MYO16: variants seen among roughly 807,000 people sequenced by gnomAD.
MYO16 encodes the protein myosin XVI.
A neutral mutation model predicts 205.3 loss-of-function variants in MYO16; 94 were observed. That is an observed-to-expected ratio of 0.46 (90% CI 0.39 to 0.54). The LOEUF is 0.54. Among genes scored for constraint, MYO16 ranks in the 20% least tolerant of loss-of-function variants. MYO16 has a pLI of 0.00. For synonymous variants in MYO16, 988 were observed against 954.0 expected (o/e 1.04, Z -0.66); for missense variants, 2,315 against 2,387.5 (o/e 0.97, Z 0.63).
chr13:109,091,173 G>A (rs1430794499), intron 27 of MYO16, among the ~76,000 whole-genome samples: 2 of 152,192 alleles, frequency 1.3e-5, no homozygotes, highest in Non-Finnish European at 2.9e-5. Context: ...CGTTTTTGGT[G>A]TGCATGGCAG....
intron 16 of MYO16, among the ~76,000 whole-genome samples, chr13:108,939,528 G>T (rs990137193): frequency 6.6e-6 from 1 of 152,174 alleles, no homozygotes; most frequent in Admixed American, 6.5e-5. Context: ...TTTTAATTGG[G>T]TTGATCCTTC....
intron 2 of MYO16, among the ~76,000 whole-genome samples, chr13:108,681,434 T>C (rs1263885648): frequency 6.6e-6 from 1 of 152,178 alleles, no homozygotes; most frequent in Non-Finnish European, 1.5e-5. Flanking sequence ...CTCTCATTCA[T>C]TCATTTGTTT....
chr13:109,086,802 G>A (rs1888447017), intron 27 of MYO16, among the ~76,000 whole-genome samples: 1 of 152,032 alleles, frequency 6.6e-6, no homozygotes, highest in South Asian at 2.1e-4. Context: ...TTACTCAAAG[G>A]CAACAGATCT....
Position 109,013,429 on chromosome 13 carries a change from T to A in MYO16, c.2595+4380T>A, listed in dbSNP as rs139437016. On this transcript the variant is annotated intron_variant, in intron 22 of 34. Coordinates refer to ENST00000457511, the MANE Select transcript of MYO16 (RefSeq NM_001198950.3). ...TGAATAGTGCCACAATAAACATACG[T>A]GTGCATGTGTCTTTATACTAGCATG... Among the ~76,000 whole-genome samples the A allele has an allele frequency of 1.1e-3, 168 of 152,282 alleles. 1 individual carries two copies. Among genetic ancestry groups the A allele is most frequent in the African/African-American group, 3.9e-3 (163 of 41,552 alleles).
At chr13:109,013,141 A>G (rs576650072) in intron 22 of MYO16, among the ~76,000 whole-genome samples, 2,024 of 50,548 alleles carry the variant, frequency 0.04, 62 homozygotes, top group African/African-American at 0.15. Flanking sequence ...CACAGGCCCC[A>G]GTGTGTGATG....
chr13:108,647,213 A>G (rs2139392425), intron 1 of MYO16, among the ~76,000 whole-genome samples: 1 of 152,154 alleles, frequency 6.6e-6, no homozygotes, highest in Non-Finnish European at 1.5e-5. Context: ...CTTTCTCTTC[A>G]TAATCCCTAT....
intron 4 of MYO16, among the ~76,000 whole-genome samples, chr13:108,764,660 C>T (rs1037305901): frequency 3.3e-5 from 5 of 152,172 alleles, no homozygotes; most frequent in African/African-American, 1.2e-4. Flanking sequence ...GGGCTCTTTA[C>T]TAGCCCTGGA....
intron 1 of MYO16, among the ~76,000 whole-genome samples, chr13:108,649,644 C>A (rs1007454728): frequency 5.3e-5 from 8 of 152,178 alleles, no homozygotes; most frequent in African/African-American, 1.9e-4. Context: ...TATACCATTT[C>A]TATACCATTA....
At chr13:108,814,969 A>T (rs373959844) in intron 7 of MYO16, among the ~76,000 whole-genome samples, 1 of 152,252 alleles carries the variant, frequency 6.6e-6, no homozygotes, top group Non-Finnish European at 1.5e-5. Flanking sequence ...AGGTTAGGAA[A>T]GGAGAAAGGA....
At chr13:108,702,241 T>C (rs576344961) in intron 2 of MYO16, among the ~76,000 whole-genome samples, 1 of 152,276 alleles carries the variant, frequency 6.6e-6, no homozygotes, top group East Asian at 1.9e-4. Context: ...AACAGATCCA[T>C]ACCTAGACAC....
At chr13:108,519,558 A>G in the MYO16 span, among the ~76,000 whole-genome samples, 1 of 151,854 alleles carries the variant, frequency 6.6e-6, no homozygotes, top group Non-Finnish European at 1.5e-5. Context: ...ATCATACATA[A>G]ATTTGAACAC....
In MYO16 at chr13:108,964,777, A is replaced by T; in HGVS notation, c.2244A>T (p.Arg748=). ...IQYFKGDMII[R]RHTIQIAEFF... Reference sequence around the variant, plus strand: ...CCATTTTAGGGGATATGATAATACGACGACATACCATACAGATTGCTGAGT... The same window carrying T: ...CCATTTTAGGGGATATGATAATACGTCGACATACCATACAGATTGCTGAGT... Residue 748 remains arginine, a synonymous_variant, in exon 20 of 35, where the codon CGA becomes CGT. Transcript: ENST00000457511. 1 of 1,614,066 alleles carries T rather than the reference A, an allele frequency of 6.2e-7. No homozygotes were observed. Among genetic ancestry groups the T allele is most frequent in the South Asian group, 1.1e-5 (1 of 91,086 alleles).
intron 21 of MYO16, among the ~76,000 whole-genome samples, chr13:109,004,065 C>T (rs886416300): frequency 1.6e-4 from 25 of 152,238 alleles, no homozygotes; most frequent in Admixed American, 8.5e-4. Context: ...CTTATCATTT[C>T]GCACAGTAAT....
rs9555558 is a variant in MYO16, at chr13:109,111,541, T to G, written c.3439-8829T>G. On this transcript the variant is annotated intron_variant, in intron 28 of 34. Coordinates refer to ENST00000457511, the MANE Select transcript of MYO16 (RefSeq NM_001198950.3). The stretch of plus-strand genomic sequence containing the variant: ...GGAAGTATTTACTAGACTAGGGCTG[T>G]TTTTAGAGCAAGAGGGGTTAACATT... Among the ~76,000 whole-genome samples, 845 of 152,204 alleles carry G rather than the reference T, an allele frequency of 5.6e-3. 10 individuals carry two copies. Among genetic ancestry groups the G allele is most frequent in the African/African-American group, 0.019 (802 of 41,550 alleles).
intron 34 of MYO16, among the ~76,000 whole-genome samples, chr13:109,182,735 C>G (rs1166655943): frequency 6.6e-6 from 1 of 152,008 alleles, no homozygotes; most frequent in Non-Finnish European, 1.5e-5. Flanking sequence ...TCTGATAGGG[C>G]TGGAGCCTTA....
chr13:109,127,131 C>G lies in MYO16; in HGVS notation c.3783-151C>G. The G allele has an allele frequency of 8.4e-6, 9 of 1,072,346 alleles. No individual in the cohort carries two copies. The highest frequency in any genetic ancestry group is 1.2e-5 in the Non-Finnish European group (9 of 775,782). The allele number at this position is 1,072,346 out of a possible 1,614,324, so 66.4% of individuals were successfully genotyped here. ...TGGCCTTCTCTGGACCAACTGGTCA[C>G]CAGAGGGCTGCACACGTCCTCCAGC... On this transcript the variant is annotated intron_variant, in intron 30 of 34. Coordinates refer to ENST00000457511, the MANE Select transcript of MYO16 (RefSeq NM_001198950.3). The surrounding 1 kb of genome is among the most constrained non-coding windows in gnomAD (Gnocchi z 4.2).
chr13:108,797,489 C>T (rs547717072), intron 6 of MYO16, among the ~76,000 whole-genome samples: 19 of 152,226 alleles, frequency 1.2e-4, no homozygotes, highest in African/African-American at 3.4e-4. Context: ...ACCAAGAGGA[C>T]GAAATGTCCT....
chr13:108,746,355 A>G (rs1471120838), intron 4 of MYO16, among the ~76,000 whole-genome samples: 2 of 152,218 alleles, frequency 1.3e-5, no homozygotes, highest in Middle Eastern at 3.2e-3. Context: ...ACAAGGTGGC[A>G]AGAAACAGTA....
intron 1 of MYO16, among the ~76,000 whole-genome samples, chr13:108,649,463 C>A (rs1880903824): frequency 6.6e-6 from 1 of 152,066 alleles, no homozygotes; most frequent in African/African-American, 2.4e-5. Flanking sequence ...AGGATGCTCC[C>A]AGAAAAAATA....
Sources: allele counts gnomAD v4.1 joint callset (sites outside exome capture counted in the v4.1 genomes callset), GRCh38; gene constraint gnomAD v4.1.1; non-coding constraint Gnocchi (gnomAD v3.1); transcripts MANE v1.5; gene names NCBI Gene and HGNC (gene_info 2026-07-23, HGNC 2026-07-21).